XKR9: variants seen among roughly 807,000 people sequenced by gnomAD.
The protein encoded by XKR9 is XK-related protein 9.
Under a neutral mutation model 32.0 loss-of-function variants are expected in XKR9, and 32 were observed. The observed-to-expected ratio is 1.00, with a 90% CI of 0.76 to 1.34. The LOEUF is 1.34. XKR9 is among the 40% of genes most tolerant of loss of function. The pLI is 0.00. For synonymous variants in XKR9, 168 were observed against 143.4 expected (o/e 1.17, Z -1.22); for missense variants, 546 against 429.7 (o/e 1.27, Z -2.39).
intron 4 of XKR9, among the ~76,000 whole-genome samples, chr8:70,731,553 C>G (rs1806667220): frequency 6.6e-6 from 1 of 152,140 alleles, no homozygotes; most frequent in Non-Finnish European, 1.5e-5. Flanking sequence ...TTCCGTCTAG[C>G]AAAATACACG....
the XKR9 span, among the ~76,000 whole-genome samples, chr8:70,954,024 A>G: frequency 6.6e-6 from 1 of 152,156 alleles, no homozygotes; most frequent in African/African-American, 2.4e-5. Context: ...GGAAAGTGGA[A>G]ATGTGGGGAA....
chr8:70,856,350 T>G, the XKR9 span, among the ~76,000 whole-genome samples: 1 of 152,130 alleles, frequency 6.6e-6, no homozygotes, highest in Non-Finnish European at 1.5e-5. Context: ...AAACAGAATT[T>G]AAACCAACGA....
chr8:70,941,656 T>C, the XKR9 span, among the ~76,000 whole-genome samples: 1 of 152,138 alleles, frequency 6.6e-6, no homozygotes, highest in Non-Finnish European at 1.5e-5. Context: ...AAATTGAGTG[T>C]CTTAGGTATT....
intron 4 of XKR9, among the ~76,000 whole-genome samples, chr8:70,708,554 A>G (rs1460726563): frequency 6.6e-6 from 1 of 152,108 alleles, no homozygotes; most frequent in Non-Finnish European, 1.5e-5. Context: ...CAAGAAAGCA[A>G]TTATAACGTA....
rs145959635 is a variant in XKR9, at chr8:70,713,834, A to G, written c.493+6681A>G. ...AGAGAGACCCTATTTAAGAAAAATA[A>G]CAATATTATGAAAAAAATTAGGTAT... On this transcript the variant is annotated intron_variant, in intron 4 of 4. Coordinates refer to ENST00000408926, the MANE Select transcript of XKR9 (RefSeq NM_001011720.2). 1.6e-3 allele frequency among the ~76,000 whole-genome samples: 238 copies of G among 152,214 alleles called. 2 individuals are homozygous for G. The highest frequency in any genetic ancestry group is 3.1e-3 in the Non-Finnish European group (213 of 67,988).
chr8:70,734,381 C>A lies in XKR9; in HGVS notation c.1079C>A (p.Pro360Gln). 1 of 1,608,158 alleles carries A rather than the reference C, an allele frequency of 6.2e-7. No homozygotes were observed. The highest frequency in any genetic ancestry group is 1.1e-5 in the South Asian group (1 of 90,470). ...ETKCDEIDGKPVLRECRMRYF... is the reference protein window; with the variant it reads ...ETKCDEIDGKQVLRECRMRYF... ...AAATGTGATGAAATTGATGGAAAACCAGTTCTAAGAGAATGTAGAATGAGA... is the reference window on the plus strand; with the variant it reads ...AAATGTGATGAAATTGATGGAAAACAAGTTCTAAGAGAATGTAGAATGAGA... Residue 360 changes from proline (P) to glutamine (Q), a missense_variant, in exon 5 of 5, where the codon CCA becomes CAA. Coordinates refer to ENST00000408926, the MANE Select transcript of XKR9 (RefSeq NM_001011720.2).
the XKR9 span, among the ~76,000 whole-genome samples, chr8:70,965,405 T>A: frequency 6.6e-6 from 1 of 152,168 alleles, no homozygotes; most frequent in Non-Finnish European, 1.5e-5. Flanking sequence ...TGGCCTGAAG[T>A]TTTCTATTTT....
the XKR9 span, among the ~76,000 whole-genome samples, chr8:70,990,741 GAGAGAGAGAGAGAGAGAGAGAGAGAGAA>G: frequency 2.7e-5 from 3 of 110,228 alleles, no homozygotes; most frequent in Non-Finnish European, 6.0e-5. Flanking sequence ...ATAAGAGAGA[GAGAGAGAGAGAGAGAGAGAGAGAGAGAA>G]AGAGAGAGAG....
At chr8:70,818,193 T>C in the XKR9 span, among the ~76,000 whole-genome samples, 1 of 129,610 alleles carries the variant, frequency 7.7e-6, no homozygotes, top group African/African-American at 2.6e-5. Context: ...TTTTTGTTTA[T>C]TTATTTTTTT....
chr8:70,979,405 G>A, the XKR9 span, among the ~76,000 whole-genome samples: 15 of 152,260 alleles, frequency 9.9e-5, no homozygotes, highest in African/African-American at 3.6e-4. Flanking sequence ...TGATGGTGAC[G>A]TACAGATGGA....
the XKR9 span, among the ~76,000 whole-genome samples, chr8:70,819,756 A>G: frequency 6.6e-5 from 10 of 152,224 alleles, no homozygotes; most frequent in Non-Finnish European, 1.2e-4. Context: ...CCCTTTCTGT[A>G]AAGAAAAAGT....
At chr8:70,821,229 A>G in the XKR9 span, among the ~76,000 whole-genome samples, 2 of 152,212 alleles carry the variant, frequency 1.3e-5, no homozygotes, top group African/African-American at 4.8e-5. Context: ...TAAAGCTCCA[A>G]AATGATCTCC....
At chr8:70,894,103 T>C in the XKR9 span, among the ~76,000 whole-genome samples, 1 of 151,888 alleles carries the variant, frequency 6.6e-6, no homozygotes, top group South Asian at 2.1e-4. Flanking sequence ...GTCTTGGAAG[T>C]AGTAGGGTAT....
the XKR9 span, among the ~76,000 whole-genome samples, chr8:70,893,605 G>C: frequency 6.6e-6 from 1 of 152,308 alleles, no homozygotes; most frequent in East Asian, 1.9e-4. Context: ...TACTTCAGCA[G>C]CTGTGTTCGA....
the XKR9 span, among the ~76,000 whole-genome samples, chr8:71,061,355 T>A: frequency 6.6e-6 from 1 of 152,150 alleles, no homozygotes; most frequent in Non-Finnish European, 1.5e-5. Context: ...GGTCCTCTCA[T>A]AACTTACTCC....
At chr8:70,935,831 T>C in the XKR9 span, among the ~76,000 whole-genome samples, 25 of 152,070 alleles carry the variant, frequency 1.6e-4, no homozygotes, top group Non-Finnish European at 3.1e-4. Flanking sequence ...ATTTTGTTTT[T>C]TACCATCTGC....
the XKR9 span, among the ~76,000 whole-genome samples, chr8:71,038,874 G>A: frequency 6.9e-6 from 1 of 145,380 alleles, no homozygotes; most frequent in Non-Finnish European, 1.5e-5. Flanking sequence ...GCACAATCTC[G>A]GCTCACTGAA....
intron 2 of XKR9, among the ~76,000 whole-genome samples, chr8:70,679,035 C>T (rs1232599853): frequency 6.6e-6 from 1 of 152,110 alleles, no homozygotes; most frequent in East Asian, 1.9e-4. Context: ...ATCATTGTGC[C>T]AGCAGGGTTG....
the XKR9 span, among the ~76,000 whole-genome samples, chr8:70,910,461 A>C: frequency 6.6e-6 from 1 of 152,182 alleles, no homozygotes; most frequent in Non-Finnish European, 1.5e-5. Flanking sequence ...TTTTAAGATT[A>C]TTTAATTCTT....
Sources: gnomAD v4.1 joint callset for allele counts (sites outside exome capture counted in the v4.1 genomes callset) on GRCh38, gnomAD v4.1.1 for gene constraint, MANE v1.5 for transcripts, NCBI Gene and HGNC (gene_info 2026-07-23, HGNC 2026-07-21) for gene names.